The following KIDINS220 variants were observed in gnomAD, a reference collection of about 807,000 sequenced individuals.
KIDINS220 encodes kinase D-interacting substrate of 220 kDa.
In KIDINS220, 63 loss-of-function variants were observed where a neutral mutation model predicts 157.6. The ratio of observed to expected loss-of-function variants is 0.40; its 90% CI spans 0.33 to 0.49. The LOEUF is 0.49. Ranked by LOEUF, KIDINS220 falls within the 20% of genes least tolerant of loss-of-function variation. The pLI is 0.66. For missense variants in KIDINS220, 1,772 were observed against 2,171.2 expected, an observed-to-expected ratio of 0.82 and a Z score of 3.65; for synonymous variants, 732 against 783.6, an observed-to-expected ratio of 0.93 and a Z score of 1.10.
At chr2:8,744,421 T>C (rs1373027655) in intron 26 of KIDINS220, among the ~76,000 whole-genome samples, 1 of 97,332 alleles carries the variant, frequency 1.0e-5, no homozygotes, top group Non-Finnish European at 2.0e-5. Context: ...TATATATATA[T>C]ATATATATAT....
intron 14 of KIDINS220, among the ~76,000 whole-genome samples, chr2:8,789,447 C>G (rs182871220): frequency 1.3e-5 from 2 of 152,018 alleles, no homozygotes; most frequent in African/African-American, 4.8e-5. Flanking sequence ...GCCATCTTGC[C>G]CGGCTAATTT....
At chr2:8,810,401 C>T (rs1435862310) in intron 6 of KIDINS220, among the ~76,000 whole-genome samples, 1 of 152,148 alleles carries the variant, frequency 6.6e-6, no homozygotes, top group East Asian at 1.9e-4. Context: ...AGCATTATTA[C>T]CTGATTCTGG....
chr2:8,728,096 C>A (rs188497477), downstream of KIDINS220, among the ~76,000 whole-genome samples: 869 of 152,210 alleles, frequency 5.7e-3, 7 homozygotes, highest in Non-Finnish European at 7.8e-3. Flanking sequence ...TAATCCCAGG[C>A]CTTTGGGAGG....
At chr2:8,726,821 G>T, downstream of KIDINS220, 2 of 752,802 alleles carry the variant, frequency 2.7e-6, no homozygotes, top group South Asian at 1.4e-5. Context: ...GTGGTCCTTT[G>T]TTGGCCAAAA....
chr2:8,813,934 A>G (rs1558476893), intron 4 of KIDINS220, among the ~76,000 whole-genome samples: 1 of 152,234 alleles, frequency 6.6e-6, no homozygotes, highest in Non-Finnish European at 1.5e-5. Flanking sequence ...AAATAAAAAA[A>G]AATTTAAAAA....
chr2:8,788,508 A>G, intron 15 of KIDINS220, 139 bp downstream of exon 15: 1 of 689,132 alleles, frequency 1.5e-6, no homozygotes, highest in Non-Finnish European at 2.4e-6. Context: ...ACCTCAGGTG[A>G]TCTGCCCACC....
chr2:8,812,476 G>A lies in KIDINS220; in HGVS notation c.423C>T (p.Ile141=). The change falls in exon 6 of 30, where the codon ATC becomes ATT. Residue 141 remains isoleucine (I), a synonymous_variant. Coordinates refer to ENST00000256707, the MANE Select transcript of KIDINS220 (RefSeq NM_020738.4). The stretch of plus-strand genomic sequence containing the variant: ...CATGGCCTCTCCCTGCTGCCCAAAT[G>A]ATTGGGTAAACACTGTACTGCTAGG... ...SVTGLYSVYP[I]IWAAGRGHAD... is the part of the protein sequence containing the mutation. 1 of 1,596,148 alleles carries A rather than the reference G, an allele frequency of 6.3e-7. No individual in the cohort carries two copies. Among genetic ancestry groups the A allele is most frequent in the Non-Finnish European group, 8.5e-7 (1 of 1,170,770 alleles).
chr2:8,732,161 A>T (rs751845272), intron 29 of KIDINS220, among the ~76,000 whole-genome samples, 179 bp from the exon 30 acceptor site: 1 of 152,246 alleles, frequency 6.6e-6, no homozygotes, highest in Non-Finnish European at 1.5e-5. Flanking sequence ...TAATGCTGTT[A>T]CTAGAAAGCT....
intron 2 of KIDINS220, among the ~76,000 whole-genome samples, chr2:8,819,545 C>T (rs1005069504): frequency 1.3e-5 from 2 of 152,120 alleles, no homozygotes; most frequent in East Asian, 1.9e-4. Flanking sequence ...CAGGTTAGGC[C>T]GAGCGCAGTG....
At chr2:8,786,167 C>T (rs1672370975) in intron 16 of KIDINS220, 39 bp downstream of exon 16, 3 of 1,611,234 alleles carry the variant, frequency 1.9e-6, no homozygotes, top group African/African-American at 1.3e-5. Context: ...ATCCCACCCC[C>T]ATCCCTTACA....
chr2:8,766,231 C>T (rs1334993893), intron 22 of KIDINS220, among the ~76,000 whole-genome samples: 5 of 152,176 alleles, frequency 3.3e-5, no homozygotes, highest in Non-Finnish European at 5.9e-5. Flanking sequence ...ACCACATCAG[C>T]TCCCTTGTTG....
chr2:8,731,170 G>T lies in KIDINS220; in HGVS notation c.4866C>A (p.His1622Gln). ...ANLIELEDDS[H>Q]SGKRGIPHSL... is the part of the protein sequence containing the mutation. Reference sequence around the variant, plus strand: ...TATGTGGGATTCCCCGCTTTCCGCTGTGACTGTCATCTTCCAGCTCTATGA... The same window carrying T: ...TATGTGGGATTCCCCGCTTTCCGCTTTGACTGTCATCTTCCAGCTCTATGA... The change falls in exon 30 of 30, where the codon CAC becomes CAA. Residue 1622 changes from histidine to glutamine, a missense_variant. Coordinates refer to ENST00000256707, the MANE Select transcript of KIDINS220 (RefSeq NM_020738.4). This position sits in a 1 kb window ranked among gnomAD's most constrained non-coding sequence, Gnocchi z 5.2. 2 of 1,614,184 alleles carry T rather than the reference G, an allele frequency of 1.2e-6. No homozygotes were observed. The highest frequency in any genetic ancestry group is 1.7e-6 in the Non-Finnish European group (2 of 1,180,040).
rs568517538 is a variant in KIDINS220, at chr2:8,830,581, G to C, written c.-36-3452C>G. Reference sequence around the variant, plus strand: ...CTACAGGTGCACACCACCATGCCCAGCTAATTTTTCTATTTTTTGTAGAAA... The same window carrying C: ...CTACAGGTGCACACCACCATGCCCACCTAATTTTTCTATTTTTTGTAGAAA... On this transcript the variant is annotated intron_variant, in intron 1 of 29. Coordinates refer to ENST00000256707, the MANE Select transcript of KIDINS220 (RefSeq NM_020738.4). Among the ~76,000 whole-genome samples the C allele has an allele frequency of 5.3e-5, 8 of 152,292 alleles. 1 individual carries two copies. Among genetic ancestry groups the C allele is most frequent in the African/African-American group, 1.9e-4 (8 of 41,554 alleles).
chr2:8,726,318 C>T (rs777417546), downstream of KIDINS220, among the ~76,000 whole-genome samples: 34 of 152,212 alleles, frequency 2.2e-4, no homozygotes, highest in Non-Finnish European at 4.6e-4. Flanking sequence ...ACCTACAGCA[C>T]GTGTGTGCGA....
At chr2:8,788,145 A>T (rs1186088118) in intron 15 of KIDINS220, among the ~76,000 whole-genome samples, 1 of 152,188 alleles carries the variant, frequency 6.6e-6, no homozygotes, top group Non-Finnish European at 1.5e-5. Flanking sequence ...TGATCCTTTA[A>T]CGTACAGGAG....
At chr2:8,748,084 A>G (rs1342443652) in intron 24 of KIDINS220, 84 bp from the exon 25 acceptor site, 1 of 685,278 alleles carries the variant, frequency 1.5e-6, no homozygotes, top group Non-Finnish European at 2.3e-6. Context: ...AACCAATAAG[A>G]TACAACTCCA....
intron 22 of KIDINS220, among the ~76,000 whole-genome samples, chr2:8,754,754 T>C (rs1320347874): frequency 2.0e-5 from 3 of 152,220 alleles, no homozygotes; most frequent in South Asian, 2.1e-4. Context: ...TTAAATTACA[T>C]AAAAGATTTC....
At chr2:8,824,469 C>T (rs371776881) in intron 2 of KIDINS220, among the ~76,000 whole-genome samples, 2 of 152,182 alleles carry the variant, frequency 1.3e-5, no homozygotes, top group African/African-American at 4.8e-5. Flanking sequence ...CAGATTGAGT[C>T]CAGGAGTTGG....
intron 22 of KIDINS220, among the ~76,000 whole-genome samples, chr2:8,764,624 G>A (rs1288575505): frequency 2.0e-5 from 3 of 152,112 alleles, no homozygotes; most frequent in Non-Finnish European, 2.9e-5. Context: ...CTATGTGTCC[G>A]GCCCAGGGAT....
Sources: gnomAD v4.1 joint callset for allele counts (sites outside exome capture counted in the v4.1 genomes callset) on GRCh38, gnomAD v4.1.1 for gene constraint, Gnocchi (gnomAD v3.1) non-coding constraint, MANE v1.5 for transcripts, NCBI Gene and HGNC (gene_info 2026-07-23, HGNC 2026-07-21) for gene names.